NT5C1A: variants seen among roughly 807,000 people sequenced by gnomAD.
NT5C1A encodes the protein cytosolic 5'-nucleotidase 1A.
In NT5C1A, 18 loss-of-function variants were observed where a neutral mutation model predicts 31.0. The ratio of observed to expected loss-of-function variants is 0.58; its 90% confidence interval spans 0.40 to 0.86. NT5C1A has a LOEUF of 0.86. Among genes scored for constraint, NT5C1A ranks in the 40% least tolerant of loss-of-function variants. NT5C1A has a pLI of 0.00. For missense variants in NT5C1A, 470 were observed against 505.4 expected, an observed-to-expected ratio of 0.93 and a Z score of 0.67; for synonymous variants, 185 against 203.6, an observed-to-expected ratio of 0.91 and a Z score of 0.78.
rs1261263864 is a variant in NT5C1A at position 39,666,173 on chromosome 1, C to A, written c.199G>T (p.Glu67Ter). ...CCCTGCTCCGTGTAGATCTGCTGCTCCTCGTCCATGCGAAACAAGGCTCGG... is the reference window on the plus strand; with the variant it reads ...CCCTGCTCCGTGTAGATCTGCTGCTACTCGTCCATGCGAAACAAGGCTCGG... ...SSRALFRMDE[E>*]QQIYTEQGVE... Residue 67 changes from glutamate to a stop codon, truncating the protein, a stop_gained, in exon 2 of 6, where the codon GAG (glutamate) becomes TAG (stop). Transcript: ENST00000235628. LOFTEE classifies it high-confidence loss of function. 4 of 1,593,394 alleles carry A rather than the reference C, an allele frequency of 2.5e-6. No homozygotes were observed. The highest frequency in any genetic ancestry group is 3.4e-6 in the Non-Finnish European group (4 of 1,171,206).
Position 39,658,970 on chromosome 1 carries a change from G to A in NT5C1A, c.*151C>T. The stretch of plus-strand genomic sequence containing the variant: ...GATGTTGAGAATGCCAGACCCGTCT[G>A]CATAATTTCCTACAAGTACATCACT... On this transcript the variant is annotated 3_prime_UTR_variant, in exon 6 of 6. Transcript: ENST00000235628. 1 of 1,118,708 alleles carries A rather than the reference G, an allele frequency of 8.9e-7. No homozygotes were observed. Among genetic ancestry groups the A allele is most frequent in the Non-Finnish European group, 1.3e-6 (1 of 797,176 alleles). 69.3% of individuals were successfully genotyped at this position (1,118,708 alleles called of 1,614,324 possible).
rs566834961 is a variant in NT5C1A, at chr1:39,651,491, G to A, written c.*7630C>T. ...CCCAGACAAGGGAAGTCACAAAGACGAAGAAACACATGCTCTAACCATTTA... is the reference window on the plus strand; with the variant it reads ...CCCAGACAAGGGAAGTCACAAAGACAAAGAAACACATGCTCTAACCATTTA... On this transcript the variant is annotated 3_prime_UTR_variant, in exon 6 of 6. Coordinates refer to ENST00000235628, the MANE Select transcript of NT5C1A (RefSeq NM_032526.3). 6.6e-5 allele frequency among the ~76,000 whole-genome samples: 10 copies of A among 152,314 alleles called. No individual in the cohort carries two copies. Among genetic ancestry groups the A allele is most frequent in the African/African-American group, 2.4e-4 (10 of 41,568 alleles).
intron 5 of NT5C1A, 56 bp from the exon 6 acceptor site, chr1:39,659,542 C>G: frequency 6.6e-7 from 1 of 1,512,386 alleles, no homozygotes. Context: ...ATATTTGCCC[C>G]CTGCTCTCCC....
intron 1 of NT5C1A, among the ~76,000 whole-genome samples, chr1:39,667,632 A>C (rs1196761561): frequency 6.6e-6 from 1 of 152,154 alleles, no homozygotes; most frequent in Non-Finnish European, 1.5e-5. Context: ...TCAGTTGACA[A>C]CATTGAGTGG....
chr1:39,653,166 A>T lies in NT5C1A; in HGVS notation c.*5955T>A, dbSNP rs190326207. Among the ~76,000 whole-genome samples the T allele has an allele frequency of 2.7e-4, 41 of 152,110 alleles. 1 individual carries two copies. Among genetic ancestry groups the T allele is most frequent in the Admixed American group, 1.5e-3 (23 of 15,286 alleles). ...ACACAGATTCTACCACTTCCTTCCC[A>T]AGGCTCAGGAGTAGGGGTAGGAGGC... On this transcript the variant is annotated 3_prime_UTR_variant, in exon 6 of 6. Coordinates refer to ENST00000235628, the MANE Select transcript of NT5C1A (RefSeq NM_032526.3).
chr1:39,664,017 A>C (rs535724282), intron 3 of NT5C1A, among the ~76,000 whole-genome samples: 100 of 152,324 alleles, frequency 6.6e-4, no homozygotes, highest in Non-Finnish European at 1.9e-4. Flanking sequence ...TATGTCACAC[A>C]GGTGGTTAAA....
At chr1:39,666,307 T>G in intron 1 of NT5C1A, 71 bp from the exon 2 acceptor site, 1 of 1,489,592 alleles carries the variant, frequency 6.7e-7, no homozygotes, top group South Asian at 1.2e-5. Flanking sequence ...TGTGTGAGTC[T>G]CCCTGGGTAG....
chr1:39,670,583 A>G (rs1646545581), intron 1 of NT5C1A, among the ~76,000 whole-genome samples: 1 of 152,188 alleles, frequency 6.6e-6, no homozygotes, highest in Non-Finnish European at 1.5e-5. Flanking sequence ...GGCTTGGGGA[A>G]GCTAGTTTGG....
intron 3 of NT5C1A, 107 bp downstream of exon 3, chr1:39,665,414 G>T: frequency 9.4e-7 from 1 of 1,066,654 alleles, no homozygotes; most frequent in Non-Finnish European, 1.3e-6. Flanking sequence ...CACTGGACTT[G>T]GGGTTCTGGT....
In NT5C1A at chr1:39,664,490, C is replaced by CCTCCTCCCCTCCCCTCTCCTCTCCT. The variant is rs1553485420; in HGVS notation, c.433+1030_433+1031insAGGAGAGGAGAGGGGAGGGGAGGAG. Among the ~76,000 whole-genome samples, 2 of 2,894 alleles carry CCTCCTCCCCTCCCCTCTCCTCTCCT rather than the reference C, an allele frequency of 6.9e-4. 1 individual carries two copies. Among genetic ancestry groups the CCTCCTCCCCTCCCCTCTCCTCTCCT allele is most frequent in the African/African-American group, 3.6e-3 (2 of 556 alleles). 1.9% of individuals were successfully genotyped at this position (2,894 alleles called of 152,430 possible). A position where few individuals can be genotyped will look rare whatever the true frequency, so the allele number is the denominator to read the frequency against. On this transcript the variant is annotated intron_variant, in intron 3 of 5. Coordinates refer to ENST00000235628, the MANE Select transcript of NT5C1A (RefSeq NM_032526.3). ...CTCTCTCTCCCCAGAGTGGATTTCTCCTCCTCTCCTCTCCTCTCCTCTCCT... is the reference window on the plus strand; with the variant it reads ...CTCTCTCTCCCCAGAGTGGATTTCTCCTCCTCCCCTCCCCTCTCCTCTCCTCTCCTCTCCTCTCCTCTCCTCTCCT...
chr1:39,662,543 GTTA>G (rs896344158), intron 4 of NT5C1A, among the ~76,000 whole-genome samples: 2 of 151,968 alleles, frequency 1.3e-5, no homozygotes, highest in Admixed American at 1.3e-4. Flanking sequence ...AGGAGAGTGA[GTTA>G]TCAGGGGGAG....
chr1:39,663,490 C>T (rs1357117121), intron 3 of NT5C1A, 56 bp from the exon 4 acceptor site: 3 of 1,595,924 alleles, frequency 1.9e-6, no homozygotes, highest in Non-Finnish European at 2.6e-6. Context: ...GGCTTCAGGG[C>T]AGTCTCTCTG....
At position 39,652,432 on chromosome 1, in the gene NT5C1A, A is replaced by T. The variant is rs1356970635; in HGVS notation, c.*6689T>A. On this transcript the variant is annotated 3_prime_UTR_variant, in exon 6 of 6. Transcript: ENST00000235628. ...GCAGACCACAGTGTTCTCCATTCTC[A>T]GTGAAGAACTGGCTTAATCCTCTCC... Among the ~76,000 whole-genome samples, 2 of 152,198 alleles carry T rather than the reference A, an allele frequency of 1.3e-5. No individual in the cohort carries two copies. Among genetic ancestry groups the T allele is most frequent in the Non-Finnish European group, 2.9e-5 (2 of 68,040 alleles).
At chr1:39,668,906 C>A (rs1646536766) in intron 1 of NT5C1A, among the ~76,000 whole-genome samples, 1 of 152,188 alleles carries the variant, frequency 6.6e-6, no homozygotes, top group South Asian at 2.1e-4. Flanking sequence ...AATATGGATC[C>A]CAGCTGGGAC....
At position 39,661,256 on chromosome 1, in the gene NT5C1A, T is replaced by C; in HGVS notation, c.564A>G (p.Ala188=). The C allele has an allele frequency of 6.4e-7, 1 of 1,567,982 alleles. No individual in the cohort carries two copies. Among genetic ancestry groups the C allele is most frequent in the Non-Finnish European group, 8.8e-7 (1 of 1,141,344 alleles). The stretch of plus-strand genomic sequence containing the variant: ...TGCTGGGGCTGAAGATGGTGGCAGC[T>C]GCGATCCCTAGGCAGAGAGAGGCAA... The part of the protein sequence containing the change: ...KVREAIDEGI[A]AATIFSPSRD... Residue 188 remains alanine, a synonymous_variant, in exon 5 of 6, where the codon GCA becomes GCG. Transcript: ENST00000235628.
chr1:39,652,052 A>G lies in NT5C1A; in HGVS notation c.*7069T>C, dbSNP rs1259328920. On this transcript the variant is annotated 3_prime_UTR_variant, in exon 6 of 6. Coordinates refer to ENST00000235628, the MANE Select transcript of NT5C1A (RefSeq NM_032526.3). ...TCTCAAAAAAAAAAAAAAAAAAAAA[A>G]AAAAAAAAAAAAAAAGAAGTTTGTA... 1.4e-5 allele frequency among the ~76,000 whole-genome samples: 2 copies of G among 139,804 alleles called. No individual in the cohort carries two copies. Among genetic ancestry groups the G allele is most frequent in the East Asian group, 3.9e-4 (2 of 5,148 alleles). The allele number at this position is 139,804 out of a possible 152,430, so 91.7% of individuals were successfully genotyped here.
In NT5C1A at chr1:39,655,194, C is replaced by T. The variant is rs1180273; in HGVS notation, c.*3927G>A. On this transcript the variant is annotated 3_prime_UTR_variant, in exon 6 of 6. Transcript: ENST00000235628. The stretch of plus-strand genomic sequence containing the variant: ...TGACCTTGTGATCCACCCGCCTTGG[C>T]CTCCCAAAGTGCTGGGATTACAGGC... Among the ~76,000 whole-genome samples, 25,367 of 152,188 alleles carry T rather than the reference C, an allele frequency of 0.17. 2,257 individuals are homozygous for T. The highest frequency in any genetic ancestry group is 0.34 in the East Asian group (1,732 of 5,160).
In NT5C1A at chr1:39,658,104, G is replaced by A. The variant is rs1035749553; in HGVS notation, c.*1017C>T. On this transcript the variant is annotated 3_prime_UTR_variant, in exon 6 of 6. Coordinates refer to ENST00000235628, the MANE Select transcript of NT5C1A (RefSeq NM_032526.3). ...AATAACTGGAGGAATGAGGGTGGTG[G>A]AAGTGAGGGTCTTGGCAGGCAAGAG... Among the ~76,000 whole-genome samples the A allele has an allele frequency of 1.3e-5, 2 of 152,240 alleles. No individual in the cohort carries two copies. The highest frequency in any genetic ancestry group is 4.8e-5 in the African/African-American group (2 of 41,466).
intron 1 of NT5C1A, among the ~76,000 whole-genome samples, chr1:39,671,311 G>C (rs11807200): frequency 0.035 from 5,321 of 152,330 alleles, 295 homozygotes; most frequent in African/African-American, 0.12. Flanking sequence ...GGGGGGCAGA[G>C]TCCAGCGCTG....
Sources: gnomAD v4.1 joint callset for allele counts (sites outside exome capture counted in the v4.1 genomes callset) on GRCh38, gnomAD v4.1.1 for gene constraint, MANE v1.5 for transcripts, NCBI Gene and HGNC (gene_info 2026-07-23, HGNC 2026-07-21) for gene names.